Variants in NFATC2 observed in about 807,000 individuals in gnomAD.
The protein encoded by NFATC2 is nuclear factor of activated T-cells, cytoplasmic 2.
A neutral mutation model predicts 87.3 loss-of-function variants in NFATC2; 22 were observed. That is an observed-to-expected ratio of 0.25 (90% CI 0.18 to 0.36). The LOEUF is 0.36. Ranked by LOEUF, NFATC2 falls within the 10% of genes least tolerant of loss-of-function variation. The pLI is 1.00. For synonymous variants in NFATC2, 565 were observed against 542.2 expected, an observed-to-expected ratio of 1.04 and a Z score of -0.58; for missense variants, 1,149 against 1,259.1, an observed-to-expected ratio of 0.91 and a Z score of 1.32.
At chr20:51,449,794 A>G (rs1177680507) in intron 6 of NFATC2, among the ~76,000 whole-genome samples, 1 of 152,208 alleles carries the variant, frequency 6.6e-6, no homozygotes, top group African/African-American at 2.4e-5. Context: ...TAAAATTGAG[A>G]AAACAGTAGT....
At chr20:51,561,803 A>C (rs1026813349) in intron 1 of NFATC2, among the ~76,000 whole-genome samples, 1 of 152,152 alleles carries the variant, frequency 6.6e-6, no homozygotes, top group Non-Finnish European at 1.5e-5. Context: ...GTTATTGTGG[A>C]GCCAAAGCCC....
At chr20:51,494,026 G>T (rs944689165) in intron 3 of NFATC2, among the ~76,000 whole-genome samples, 1 of 152,262 alleles carries the variant, frequency 6.6e-6, no homozygotes, top group South Asian at 2.1e-4. Flanking sequence ...TGGGTACAGT[G>T]CCTGGCAAAG....
chr20:51,403,112 C>A (rs1988220955), intron 9 of NFATC2, among the ~76,000 whole-genome samples: 1 of 152,218 alleles, frequency 6.6e-6, no homozygotes, highest in East Asian at 1.9e-4. Flanking sequence ...GCAGAGGCAT[C>A]CCTGGCCATG....
intron 6 of NFATC2, among the ~76,000 whole-genome samples, chr20:51,451,556 G>A (rs1003271227): frequency 1.3e-5 from 2 of 152,236 alleles, no homozygotes; most frequent in African/African-American, 4.8e-5. Context: ...GGCTAAAAAT[G>A]TGGTATAGAC....
At chr20:51,399,931 T>C (rs915568485) in intron 9 of NFATC2, among the ~76,000 whole-genome samples, 1 of 152,176 alleles carries the variant, frequency 6.6e-6, no homozygotes, top group Non-Finnish European at 1.5e-5. Flanking sequence ...CAGATTGCAA[T>C]ATCTACCTGC....
intron 1 of NFATC2, among the ~76,000 whole-genome samples, chr20:51,549,937 G>T (rs112682855): frequency 6.6e-6 from 1 of 152,078 alleles, no homozygotes; most frequent in Non-Finnish European, 1.5e-5. Flanking sequence ...TTTTCATTTC[G>T]CACAATGCCC....
chr20:51,438,100 C>T (rs1233851668), intron 6 of NFATC2, among the ~76,000 whole-genome samples: 3 of 152,200 alleles, frequency 2.0e-5, no homozygotes, highest in Non-Finnish European at 2.9e-5. Flanking sequence ...TTTCAGTGTG[C>T]AAAGTCCTGT....
intron 3 of NFATC2, among the ~76,000 whole-genome samples, chr20:51,510,887 C>T (rs532431747): frequency 7.0e-4 from 107 of 152,270 alleles, no homozygotes; most frequent in Non-Finnish European, 1.3e-3. Flanking sequence ...TATAACCTCT[C>T]TCTTATCTCC....
intron 6 of NFATC2, among the ~76,000 whole-genome samples, chr20:51,443,579 G>A (rs1374259312): frequency 2.6e-5 from 4 of 152,124 alleles, no homozygotes; most frequent in Non-Finnish European, 1.5e-5. Flanking sequence ...CACAATCAGA[G>A]CAACACAGCC....
At position 51,516,918 on chromosome 20, in the gene NFATC2, G is replaced by T. The variant is rs1384338091; in HGVS notation, c.1198C>A (p.Pro400Thr). 21 of 1,613,958 alleles carry T rather than the reference G, an allele frequency of 1.3e-5. No homozygotes were observed. Among genetic ancestry groups the T allele is most frequent in the Non-Finnish European group, 1.5e-5 (18 of 1,179,966 alleles). ...TAAGAGCCTGACTGACTGGACAGCG[G>T]CCACTCAAGTGGAGGGAGGGATGCA... The part of the protein sequence containing the change: ...VTASLPPLEW[P>T]LSSQSGSYEL... Residue 400 changes from proline to threonine, a missense_variant, in exon 3 of 11, where the codon CCG becomes ACG. By Grantham distance (38) the Pro-to-Thr change is conservative. Coordinates refer to ENST00000371564, the MANE Select transcript of NFATC2 (RefSeq NM_012340.5).
rs753475209 is a variant in NFATC2 at position 51,523,997 on chromosome 20, G to T, written c.244C>A (p.Pro82Thr). 1.3e-5 allele frequency: 21 copies of T among 1,568,022 alleles called. No individual in the cohort carries two copies. In the East Asian group the frequency reaches 4.1e-4, roughly 30 times the overall value. Reference sequence around the variant, plus strand: ...TCCGGCTCTCCGAATCGGCCGGGGGGCTCGCCAGAGAGACTAGCAAGGGGG... The same window carrying T: ...TCCGGCTCTCCGAATCGGCCGGGGGTCTCGCCAGAGAGACTAGCAAGGGGG... ...YSPLASLSGE[P>T]PGRFGEPDRV... Residue 82 changes from proline to threonine, a missense_variant, in exon 2 of 11, where the codon CCC becomes ACC. Pro to Thr is a conservative substitution (Grantham distance 38). This residue lies in a region of NFATC2 where 563 missense variants were observed against 585.2 expected (regional missense o/e 0.96). Transcript: ENST00000371564. The surrounding 1 kb of genome is among the most constrained non-coding windows in gnomAD (Gnocchi z 6.9).
At chr20:51,476,075 CTTTT>C (rs10599453) in intron 3 of NFATC2, among the ~76,000 whole-genome samples, 95 of 141,156 alleles carry the variant, frequency 6.7e-4, no homozygotes, top group African/African-American at 1.3e-3. Context: ...ACTGTCACTT[CTTTT>C]TTTTTTTTTT....
chr20:51,426,948 A>G (rs1180079646), intron 9 of NFATC2, among the ~76,000 whole-genome samples: 1 of 152,180 alleles, frequency 6.6e-6, no homozygotes, highest in Non-Finnish European at 1.5e-5. Context: ...AAGAATAAGC[A>G]GACTGATTTG....
intron 1 of NFATC2, among the ~76,000 whole-genome samples, chr20:51,532,885 G>T (rs1600972920): frequency 6.6e-6 from 1 of 152,228 alleles, no homozygotes; most frequent in East Asian, 1.9e-4. Context: ...GGCTTGAGTG[G>T]CTGGGAAGAG....
chr20:51,431,962 G>A (rs2146338016), intron 9 of NFATC2, 105 bp downstream of exon 9: 3 of 1,222,894 alleles, frequency 2.5e-6, no homozygotes, highest in South Asian at 1.8e-5. Flanking sequence ...GGGACACTGA[G>A]GCCCAAAGAG....
rs567997719 is a variant in NFATC2 at position 51,442,721 on chromosome 20, T to C, written c.1850-6960A>G. On this transcript the variant is annotated intron_variant, in intron 6 of 10. Coordinates refer to ENST00000371564, the MANE Select transcript of NFATC2 (RefSeq NM_012340.5). ...AAATAAAGTTTGTTTTTTTTTTTTT[T>C]CTTAAGAAAAAGGCACATTGCAACT... is the stretch of plus-strand genomic sequence containing the variant. Among the ~76,000 whole-genome samples, 11 of 140,240 alleles carry C rather than the reference T, an allele frequency of 7.8e-5. No homozygotes were observed. In the South Asian group the frequency reaches 1.2e-3, roughly 15 times the overall value. The allele number at this position is 140,240 out of a possible 152,430, so 92.0% of individuals were successfully genotyped here.
intron 9 of NFATC2, among the ~76,000 whole-genome samples, chr20:51,418,913 C>T (rs984207337): frequency 5.9e-5 from 9 of 151,772 alleles, no homozygotes; most frequent in African/African-American, 2.2e-4. Flanking sequence ...ATCTGCCTGC[C>T]TCGGCTTCCC....
At chr20:51,556,362 C>A (rs575217905) in intron 1 of NFATC2, among the ~76,000 whole-genome samples, 12 of 152,312 alleles carry the variant, frequency 7.9e-5, no homozygotes, top group Non-Finnish European at 1.6e-4. Context: ...ACACACACCC[C>A]AAGTCGTTCG....
In NFATC2 at chr20:51,510,155, GAGAGTTGTA is replaced by G. The variant is rs58957324; in HGVS notation, c.1332+6620_1332+6628del. Among the ~76,000 whole-genome samples, 768 of 152,320 alleles carry G rather than the reference GAGAGTTGTA, an allele frequency of 5.0e-3. 7 individuals carry two copies. Among genetic ancestry groups the G allele is most frequent in the African/African-American group, 0.018 (740 of 41,558 alleles). Reference sequence around the variant, plus strand: ...TTCTTTCCATTAAACATGCATCCCAGAGAGTTGTAAGAATAACATTTTTTGAAAGCCCCA... The same window carrying G: ...TTCTTTCCATTAAACATGCATCCCAGAGAATAACATTTTTTGAAAGCCCCA... On this transcript the variant is annotated intron_variant, in intron 3 of 10. Coordinates refer to ENST00000371564, the MANE Select transcript of NFATC2 (RefSeq NM_012340.5).
Sources: gnomAD v4.1 joint callset for allele counts (sites outside exome capture counted in the v4.1 genomes callset) on GRCh38, gnomAD v4.1.1 for gene constraint, gnomAD v4.1.1 regional missense constraint, Gnocchi (gnomAD v3.1) non-coding constraint, MANE v1.5 for transcripts, NCBI Gene and HGNC (gene_info 2026-07-23, HGNC 2026-07-21) for gene names.